The following RAPGEF1 variants were observed in gnomAD, a reference collection of about 807,000 sequenced individuals.
RAPGEF1 encodes CRK SH3-binding GNRP.
In RAPGEF1, 33 loss-of-function variants were observed where a neutral mutation model predicts 143.3. The ratio of observed to expected loss-of-function variants is 0.23; its 90% CI spans 0.17 to 0.31. The LOEUF (loss-of-function observed/expected upper bound fraction) is 0.31. Among genes scored for constraint, RAPGEF1 ranks in the 10% least tolerant of loss-of-function variants. The pLI is 1.00. For missense variants in RAPGEF1, 1,199 were observed against 1,645.4 expected (o/e 0.73, Z 4.69); for synonymous variants, 629 against 676.5 (o/e 0.93, Z 1.09).
At position 131,584,271 on chromosome 9, in the gene RAPGEF1, T is replaced by A. The variant is rs1952350469; in HGVS notation, c.3414+40A>T. 1 of 1,543,638 alleles carries A rather than the reference T, an allele frequency of 6.5e-7. No individual in the cohort carries two copies. The highest frequency in any genetic ancestry group is 1.4e-5 in the African/African-American group (1 of 73,362). On this transcript the variant is annotated intron_variant, in intron 24 of 26. Coordinates refer to ENST00000683357, the MANE Select transcript of RAPGEF1 (RefSeq NM_001377935.1). The surrounding 1 kb of genome is among the most constrained non-coding windows in gnomAD (Gnocchi z 6.8). ...TCGCCTGAGGGCTGGGCGGCCCCCC[T>A]TACCAGCCACCCTCCCGCCCACGCC... is the stretch of plus-strand genomic sequence containing the variant.
intron 1 of RAPGEF1, among the ~76,000 whole-genome samples, chr9:131,654,387 A>G (rs925336841): frequency 1.8e-4 from 28 of 151,978 alleles, no homozygotes; most frequent in Non-Finnish European, 5.9e-5. Flanking sequence ...CATCTTATTA[A>G]TCGATTTATT....
chr9:131,668,913 G>T (rs1442717341), intron 1 of RAPGEF1, among the ~76,000 whole-genome samples: 1 of 152,246 alleles, frequency 6.6e-6, no homozygotes, highest in Non-Finnish European at 1.5e-5. Flanking sequence ...CAGCCTCCGT[G>T]GCTCAGAGGA....
chr9:131,686,158 T>C (rs1276710604), intron 1 of RAPGEF1, among the ~76,000 whole-genome samples: 2 of 152,200 alleles, frequency 1.3e-5, no homozygotes, highest in Non-Finnish European at 2.9e-5. Context: ...AAGGGCAACA[T>C]ACGAAACAAT....
At chr9:131,727,339 T>C (rs1326290451) in intron 1 of RAPGEF1, among the ~76,000 whole-genome samples, 24 of 152,158 alleles carry the variant, frequency 1.6e-4, no homozygotes. Flanking sequence ...CCACACATAA[T>C]GAATCTTTCT....
intron 1 of RAPGEF1, among the ~76,000 whole-genome samples, chr9:131,705,408 G>A (rs544935702): frequency 2.0e-5 from 3 of 151,850 alleles, no homozygotes; most frequent in Non-Finnish European, 1.5e-5. Context: ...AACACAATAA[G>A]ATGCAGTCAT....
intron 22 of RAPGEF1, among the ~76,000 whole-genome samples, chr9:131,586,309 A>AACACACAC (rs574969723): frequency 2.2e-5 from 1 of 45,572 alleles, no homozygotes; most frequent in Non-Finnish European, 4.6e-5. Flanking sequence ...CTCCGTCTCA[A>AACACACAC]ACACACACAC....
intron 1 of RAPGEF1, among the ~76,000 whole-genome samples, chr9:131,695,003 T>G (rs1834052038): frequency 7.6e-6 from 1 of 131,308 alleles, no homozygotes; most frequent in South Asian, 2.9e-4. Context: ...TGTGTCCATG[T>G]GTTCTCATTG....
intron 14 of RAPGEF1, among the ~76,000 whole-genome samples, chr9:131,602,665 G>C (rs146789845): frequency 6.6e-6 from 1 of 152,326 alleles, no homozygotes; most frequent in Non-Finnish European, 1.5e-5. Context: ...CCCTGCTGTC[G>C]TGAACCAAAC....
chr9:131,607,392 C>T (rs11243451), intron 12 of RAPGEF1, among the ~76,000 whole-genome samples: 15,368 of 152,210 alleles, frequency 0.1, 1,204 homozygotes, highest in African/African-American at 0.21. Context: ...CCCAGGATGG[C>T]GCTGCAGGCC....
intron 5 of RAPGEF1, among the ~76,000 whole-genome samples, chr9:131,630,864 T>C (rs1241060450): frequency 6.6e-6 from 1 of 151,632 alleles, no homozygotes; most frequent in Non-Finnish European, 1.5e-5. Flanking sequence ...TTAGAACCAT[T>C]AACTGAGAAA....
rs1961141577 is a variant in RAPGEF1, at chr9:131,621,808, C to T, written c.1893G>A (p.Lys631=). ...ELAPPPALPP[K]QRQLASCAAS... ...AGGTGTCACTCACCAGCTGCCGCTG[C>T]TTGGGGGGTAGGGCGGGCGGCGGGG... The change falls in exon 11 of 27, where the codon AAG becomes AAA. Residue 631 remains lysine (K), a synonymous_variant. Transcript: ENST00000683357. The surrounding 1 kb of genome is among the most constrained non-coding windows in gnomAD (Gnocchi z 4.5). 6.9e-6 allele frequency: 11 copies of T among 1,605,664 alleles called. 1 individual carries two copies. In the South Asian group the frequency reaches 1.2e-4, roughly 18 times the overall value.
intron 1 of RAPGEF1, 108 bp from the exon 2 acceptor site, chr9:131,651,057 C>G: frequency 1.5e-6 from 2 of 1,341,256 alleles, no homozygotes; most frequent in Non-Finnish European, 2.0e-6. Context: ...TTTTTCTTGG[C>G]TGTTGAGAGT....
chr9:131,698,155 G>C (rs1834334451), intron 1 of RAPGEF1, among the ~76,000 whole-genome samples: 1 of 152,140 alleles, frequency 6.6e-6, no homozygotes, highest in African/African-American at 2.4e-5. Context: ...CAGTAAACAT[G>C]CAAGCCACAA....
At chr9:131,616,466 G>A (rs748194529) in intron 12 of RAPGEF1, among the ~76,000 whole-genome samples, 17 of 152,140 alleles carry the variant, frequency 1.1e-4, no homozygotes, top group Non-Finnish European at 2.4e-4. Context: ...GATGTCCTGA[G>A]CTTGCTGAAT....
At chr9:131,729,599 T>G (rs1836892892) in intron 1 of RAPGEF1, among the ~76,000 whole-genome samples, 1 of 152,166 alleles carries the variant, frequency 6.6e-6, no homozygotes, top group South Asian at 2.1e-4. Flanking sequence ...CCCAAGGCAG[T>G]GGTGGTGCCG....
At chr9:131,668,128 C>G (rs963168802) in intron 1 of RAPGEF1, among the ~76,000 whole-genome samples, 1 of 152,148 alleles carries the variant, frequency 6.6e-6, no homozygotes, top group East Asian at 1.9e-4. Flanking sequence ...TCCGCGTGAA[C>G]AAAGCATGGA....
At position 131,594,673 on chromosome 9, in the gene RAPGEF1, C is replaced by T. The variant is rs552087390; in HGVS notation, c.2689+1625G>A. Reference sequence around the variant, plus strand: ...GCTTCTGCCTCAGTAATACTTCCTACGTAAAACTTTGGTTCTGGGGAGCCT... The same window carrying T: ...GCTTCTGCCTCAGTAATACTTCCTATGTAAAACTTTGGTTCTGGGGAGCCT... On this transcript the variant is annotated intron_variant, in intron 17 of 26. Transcript: ENST00000683357. Among the ~76,000 whole-genome samples, 38 of 152,318 alleles carry T rather than the reference C, an allele frequency of 2.5e-4. No homozygotes were observed. The South Asian group carries it at 3.9e-3, about 16-fold the overall frequency.
At chr9:131,626,488 C>G (rs1407380623) in intron 9 of RAPGEF1, 66 bp from the exon 10 acceptor site, 14 of 1,479,296 alleles carry the variant, frequency 9.5e-6, no homozygotes, top group East Asian at 2.3e-5. Flanking sequence ...GCCAGCTCCC[C>G]CCGCCCGCCT....
At chr9:131,611,841 C>G (rs1365182730) in intron 12 of RAPGEF1, among the ~76,000 whole-genome samples, 2 of 152,168 alleles carry the variant, frequency 1.3e-5, no homozygotes, top group Non-Finnish European at 2.9e-5. Flanking sequence ...TACGAGATCT[C>G]AAAATTTATT....
Sources: allele counts gnomAD v4.1 joint callset (sites outside exome capture counted in the v4.1 genomes callset), GRCh38; gene constraint gnomAD v4.1.1; non-coding constraint Gnocchi (gnomAD v3.1); transcripts MANE v1.5; gene names NCBI Gene and HGNC (gene_info 2026-07-23, HGNC 2026-07-21).